RREB1: variants seen among roughly 807,000 people sequenced by gnomAD.
RREB1 encodes the protein ras responsive element binding protein 1.
RREB1 carries 27 observed loss-of-function variants against 117.8 expected under a neutral mutation model. That is an observed-to-expected ratio of 0.23 (90% CI 0.17 to 0.32). The LOEUF (loss-of-function observed/expected upper bound fraction) is 0.32, where lower values mean the gene tolerates loss of function less well. Ranked by LOEUF, RREB1 falls within the 10% of genes least tolerant of loss-of-function variation. RREB1 has a pLI of 1.00. For synonymous variants in RREB1, 1,298 were observed against 1,026.7 expected (o/e 1.26, Z -5.05); for missense variants, 2,577 against 2,378.2 (o/e 1.08, Z -1.74).
intron 8 of RREB1, among the ~76,000 whole-genome samples, chr6:7,221,726 G>C (rs1767272465): frequency 6.6e-6 from 1 of 152,200 alleles, no homozygotes. Context: ...GAGCAGGTGG[G>C]ATGAGGCAGA....
In RREB1 at chr6:7,229,032, C is replaced by T. The variant is rs751985080; in HGVS notation, c.933C>T (p.Ser311=). The T allele has an allele frequency of 2.3e-5, 35 of 1,539,806 alleles. No individual in the cohort carries two copies. The highest frequency in any genetic ancestry group is 3.0e-5 in the Non-Finnish European group (34 of 1,139,144). The part of the protein sequence containing the change: ...WCETNLRRCI[S]EQHRFVCDTC... ...AAACAAACCTGCGGAGGTGCATCAG[C>T]GAGCAACACCGTTTTGTCTGCGACA... is the stretch of plus-strand genomic sequence containing the variant. The change falls in exon 10 of 13, where the codon AGC becomes AGT. Residue 311 remains serine (S), a synonymous_variant. Transcript: ENST00000379938. This position sits in a 1 kb window ranked among gnomAD's most constrained non-coding sequence, Gnocchi z 4.5.
chr6:7,160,109 C>CT (rs1763575593), intron 1 of RREB1, among the ~76,000 whole-genome samples: 1 of 144,506 alleles, frequency 6.9e-6, no homozygotes, highest in Admixed American at 6.7e-5. Context: ...AATTTGATCA[C>CT]TTTCTTTTTT....
intron 1 of RREB1, among the ~76,000 whole-genome samples, chr6:7,126,025 G>A (rs571206753): frequency 3.9e-5 from 5 of 128,368 alleles, no homozygotes; most frequent in South Asian, 2.3e-4. Context: ...GTTTTGAGAC[G>A]GAGTCTTGCT....
chr6:7,156,504 CCAG>C (rs1369026699), intron 1 of RREB1, among the ~76,000 whole-genome samples: 2 of 152,182 alleles, frequency 1.3e-5, no homozygotes, highest in African/African-American at 4.8e-5. Context: ...TGTGGCTCTC[CCAG>C]CCACCTTCCG....
chr6:7,193,655 TGAG>T (rs1765523452), intron 6 of RREB1, among the ~76,000 whole-genome samples: 1 of 152,230 alleles, frequency 6.6e-6, no homozygotes, highest in South Asian at 2.1e-4. Context: ...TGAGGTATCT[TGAG>T]GATGGGACAC....
intron 6 of RREB1, among the ~76,000 whole-genome samples, chr6:7,204,875 A>G (rs561252965): frequency 5.3e-5 from 8 of 152,346 alleles, no homozygotes; most frequent in African/African-American, 9.6e-5. Flanking sequence ...GAGGGCAGCT[A>G]TGACTAAGTA....
At position 7,248,660 on chromosome 6, in the gene RREB1, G is replaced by A. The variant is rs1351061167; in HGVS notation, c.4921G>A (p.Glu1641Lys). 2.5e-6 allele frequency: 4 copies of A among 1,614,194 alleles called. No homozygotes were observed. Among genetic ancestry groups the A allele is most frequent in the South Asian group, 1.1e-5 (1 of 91,084 alleles). Residue 1641 changes from glutamate to lysine, a missense_variant, in exon 13 of 13, where the codon GAG becomes AAG. Coordinates refer to ENST00000379938, the MANE Select transcript of RREB1 (RefSeq NM_001003699.4). Reference sequence around the variant, plus strand: ...GGAAGAGCGGGGTGAGGAGGACAGCGAGAATGAGTCCACCCACAGCGGCAA... The same window carrying A: ...GGAAGAGCGGGGTGAGGAGGACAGCAAGAATGAGTCCACCCACAGCGGCAA... The part of the protein sequence containing the change: ...DKEERGEEDS[E>K]NESTHSGNNA...
At chr6:7,186,930 G>C (rs1765112055) in intron 4 of RREB1, among the ~76,000 whole-genome samples, 1 of 152,216 alleles carries the variant, frequency 6.6e-6, no homozygotes, top group Non-Finnish European at 1.5e-5. Flanking sequence ...TGGGTGCACA[G>C]CTAGGCACTG....
intron 11 of RREB1, among the ~76,000 whole-genome samples, chr6:7,241,923 G>A (rs190054257): frequency 3.2e-4 from 48 of 152,348 alleles, no homozygotes; most frequent in African/African-American, 1.1e-3. Context: ...GGACCCCTGT[G>A]AGCCAAAGAT....
chr6:7,194,513 T>C (rs1268754081), intron 6 of RREB1, among the ~76,000 whole-genome samples: 1 of 152,214 alleles, frequency 6.6e-6, no homozygotes, highest in African/African-American at 2.4e-5. Context: ...ATCTTGCCAC[T>C]GCACTCCAGC....
intron 8 of RREB1, chr6:7,214,043 A>G (rs1353352054): frequency 6.6e-6 from 1 of 152,280 alleles, no homozygotes; most frequent in Admixed American, 6.5e-5. Context: ...TCCTGGAGCA[A>G]TCCTCTGAAC....
intron 1 of RREB1, among the ~76,000 whole-genome samples, chr6:7,127,767 C>T (rs1762000578): frequency 6.6e-6 from 1 of 152,140 alleles, no homozygotes; most frequent in African/African-American, 2.4e-5. Flanking sequence ...AGAATCTGTT[C>T]AAAAGGTGGA....
chr6:7,208,026 G>A (rs1766373609), intron 6 of RREB1, among the ~76,000 whole-genome samples: 1 of 152,318 alleles, frequency 6.6e-6, no homozygotes, highest in South Asian at 2.1e-4. Context: ...TCTATGCAGA[G>A]TAGAGGGCTG....
chr6:7,161,895 T>G (rs958053421), intron 1 of RREB1, among the ~76,000 whole-genome samples: 3 of 152,210 alleles, frequency 2.0e-5, no homozygotes, highest in Non-Finnish European at 4.4e-5. Flanking sequence ...TGTCCATTTT[T>G]AAATCTGCTA....
chr6:7,179,974 T>G (rs571980362), intron 2 of RREB1, among the ~76,000 whole-genome samples: 23 of 152,172 alleles, frequency 1.5e-4, no homozygotes, highest in Admixed American at 7.2e-4. Flanking sequence ...CTTCATAAAT[T>G]TAAAGGGTCT....
intron 1 of RREB1, among the ~76,000 whole-genome samples, chr6:7,164,928 G>A (rs999466743): frequency 1.3e-5 from 2 of 152,240 alleles, no homozygotes; most frequent in Non-Finnish European, 2.9e-5. Flanking sequence ...TTTAAGAATA[G>A]TAGTGTAAAC....
intron 10 of RREB1, among the ~76,000 whole-genome samples, chr6:7,236,777 C>A (rs1221458461): frequency 6.6e-6 from 1 of 150,718 alleles, no homozygotes; most frequent in Non-Finnish European, 1.5e-5. Context: ...CCAATCTCCT[C>A]ATCAAACTAT....
At chr6:7,208,693 G>T (rs1206042532) in intron 6 of RREB1, among the ~76,000 whole-genome samples, 2 of 152,226 alleles carry the variant, frequency 1.3e-5, no homozygotes, top group Non-Finnish European at 2.9e-5. Flanking sequence ...TAAGCCAGAG[G>T]CTCTGCAGTC....
chr6:7,157,747 ACT>A (rs200059257), intron 1 of RREB1, among the ~76,000 whole-genome samples: 2,446 of 150,888 alleles, frequency 0.016, 57 homozygotes, highest in African/African-American at 0.055. Context: ...ACAGAGCAAG[ACT>A]CTGTCTGTCT....
Sources: gnomAD v4.1 joint callset for allele counts (sites outside exome capture counted in the v4.1 genomes callset) on GRCh38, gnomAD v4.1.1 for gene constraint, Gnocchi (gnomAD v3.1) non-coding constraint, MANE v1.5 for transcripts, NCBI Gene and HGNC (gene_info 2026-07-23, HGNC 2026-07-21) for gene names.